The following STK33 variants were observed in gnomAD, a reference collection of about 807,000 sequenced individuals.
The protein encoded by STK33 is serine/threonine kinase 33, also known as serine/threonine-protein kinase 33.
In STK33, 52 loss-of-function variants were observed where a neutral mutation model predicts 58.0. The ratio of observed to expected loss-of-function variants is 0.90; its 90% CI spans 0.72 to 1.13. The LOEUF is 1.13. Among genes scored for constraint, STK33 ranks in the 50% most tolerant of loss-of-function variants. The probability of loss-of-function intolerance (pLI) is 0.00; values close to 1 mark genes in which losing one functional copy is unlikely to be tolerated. For synonymous variants in STK33, 215 were observed against 200.1 expected (o/e 1.07, Z -0.63); for missense variants, 630 against 604.2 (o/e 1.04, Z -0.45).
chr11:8,520,892 T>C (rs1452426805), intron 1 of STK33, among the ~76,000 whole-genome samples: 3 of 151,930 alleles, frequency 2.0e-5, no homozygotes, highest in Non-Finnish European at 2.9e-5. Flanking sequence ...ATAGGAAGAA[T>C]CAATATTGTG....
At chr11:8,571,785 A>G (rs1381240988) in intron 1 of STK33, among the ~76,000 whole-genome samples, 3 of 151,084 alleles carry the variant, frequency 2.0e-5, no homozygotes, top group African/African-American at 7.3e-5. Flanking sequence ...GTGACCCAAG[A>G]TCGCGCCACT....
In STK33 at chr11:8,584,295, G is replaced by A. The variant is rs115112241; in HGVS notation, c.-466+9788C>T. ...GCCGGGTCCTTCAATGATTCATAAT[G>A]TAGGGAGGATTCCAGAACAAAGTCC... On this transcript the variant is annotated intron_variant, in intron 1 of 15. Coordinates refer to ENST00000687296, the MANE Select transcript of STK33 (RefSeq NM_001352389.2). Among the ~76,000 whole-genome samples, 264 of 152,222 alleles carry A rather than the reference G, an allele frequency of 1.7e-3. 1 individual carries two copies. Among genetic ancestry groups the A allele is most frequent in the African/African-American group, 6.2e-3 (257 of 41,526 alleles).
At chr11:8,548,361 G>A (rs1956086417) in intron 1 of STK33, among the ~76,000 whole-genome samples, 2 of 152,078 alleles carry the variant, frequency 1.3e-5, no homozygotes, top group South Asian at 2.1e-4. Flanking sequence ...GTATTAAAGA[G>A]GCTGTCCTTT....
chr11:8,548,739 C>T (rs1261650452), intron 1 of STK33, among the ~76,000 whole-genome samples: 2 of 152,176 alleles, frequency 1.3e-5, no homozygotes, highest in African/African-American at 4.8e-5. Flanking sequence ...AATACATGAT[C>T]ATGGGACATC....
chr11:8,354,749 C>G, the STK33 span, among the ~76,000 whole-genome samples: 9 of 152,354 alleles, frequency 5.9e-5, no homozygotes, highest in South Asian at 1.9e-3. Context: ...GCAGCTGGGG[C>G]TGGGGAAGCA....
At chr11:8,345,975 C>T in the STK33 span, among the ~76,000 whole-genome samples, 5 of 152,160 alleles carry the variant, frequency 3.3e-5, no homozygotes, top group African/African-American at 4.8e-5. Flanking sequence ...GCTTTATGTG[C>T]GTCATCTCTA....
intron 1 of STK33, among the ~76,000 whole-genome samples, chr11:8,505,452 C>T (rs1951800645): frequency 6.6e-6 from 1 of 152,164 alleles, no homozygotes; most frequent in Non-Finnish European, 1.5e-5. Context: ...TGTGCTATTC[C>T]CTCCACGTGG....
chr11:8,490,062 T>C (rs10743074), intron 1 of STK33, among the ~76,000 whole-genome samples: 83,617 of 151,982 alleles, frequency 0.55, 23,378 homozygotes, highest in African/African-American at 0.65. Context: ...CTCATTGGGA[T>C]GGGTTGGACA....
At chr11:8,374,042 A>T in the STK33 span, among the ~76,000 whole-genome samples, 1 of 152,198 alleles carries the variant, frequency 6.6e-6, no homozygotes, top group East Asian at 1.9e-4. Flanking sequence ...TATTAACACA[A>T]TGCTTATGTG....
chr11:8,388,350 G>A (rs898618233), downstream of STK33, among the ~76,000 whole-genome samples: 10 of 152,232 alleles, frequency 6.6e-5, no homozygotes, highest in Admixed American at 1.3e-4. Flanking sequence ...ACTGAAGAAG[G>A]CAGCCACAAG....
At chr11:8,560,872 C>T (rs981916185) in intron 1 of STK33, among the ~76,000 whole-genome samples, 9 of 152,114 alleles carry the variant, frequency 5.9e-5, no homozygotes, top group Admixed American at 5.9e-4. Flanking sequence ...TGCATAGCTG[C>T]TATGTGGCAG....
At chr11:8,459,030 A>G (rs537416459) in intron 8 of STK33, among the ~76,000 whole-genome samples, 1 of 152,326 alleles carries the variant, frequency 6.6e-6, no homozygotes, top group East Asian at 1.9e-4. Context: ...TATTTTTTCC[A>G]TTGACAGGAC....
At position 8,449,564 on chromosome 11, in the gene STK33, T is replaced by C. The variant is rs1161783158; in HGVS notation, c.871+3258A>G. Among the ~76,000 whole-genome samples the C allele has an allele frequency of 1.6e-4, 23 of 142,172 alleles. 1 individual carries two copies. The highest frequency in any genetic ancestry group is 6.0e-4 in the African/African-American group (22 of 36,794). The allele number at this position is 142,172 out of a possible 152,430, so 93.3% of individuals were successfully genotyped here. Reference sequence around the variant, plus strand: ...ACCAAACACCGCATGTTCTCACTCATAGGTGGGAATTGAACGATGAGAACA... The same window carrying C: ...ACCAAACACCGCATGTTCTCACTCACAGGTGGGAATTGAACGATGAGAACA... On this transcript the variant is annotated intron_variant, in intron 11 of 15. Coordinates refer to ENST00000687296, the MANE Select transcript of STK33 (RefSeq NM_001352389.2).
intron 1 of STK33, among the ~76,000 whole-genome samples, chr11:8,499,937 G>A (rs186408784): frequency 1.3e-5 from 2 of 152,200 alleles, no homozygotes; most frequent in East Asian, 3.9e-4. Flanking sequence ...GGGGGCTAGG[G>A]GAGGGATAGC....
chr11:8,569,024 C>T lies in STK33; in HGVS notation c.-466+25059G>A, dbSNP rs373521140. Among the ~76,000 whole-genome samples, 321 of 152,108 alleles carry T rather than the reference C, an allele frequency of 2.1e-3. 2 individuals are homozygous for T. Among genetic ancestry groups the T allele is most frequent in the African/African-American group, 7.4e-3 (306 of 41,498 alleles). ...TCAAATAGAATAAAGCCCAGTGCTC[C>T]CAAGGAATATTATCTGGAGAAGGTC... On this transcript the variant is annotated intron_variant, in intron 1 of 15. Transcript: ENST00000687296.
chr11:8,398,858 A>G (rs1347279091), intron 15 of STK33, among the ~76,000 whole-genome samples: 2 of 152,188 alleles, frequency 1.3e-5, no homozygotes, highest in African/African-American at 2.4e-5. Flanking sequence ...CAAAGATCAA[A>G]AGAGACAAAG....
intron 15 of STK33, among the ~76,000 whole-genome samples, 191 bp downstream of exon 15, chr11:8,413,304 C>T (rs980891930): frequency 3.3e-5 from 5 of 152,220 alleles, no homozygotes; most frequent in Non-Finnish European, 4.4e-5. Flanking sequence ...TAATCACCAA[C>T]CTTAAAATAA....
intron 1 of STK33, among the ~76,000 whole-genome samples, chr11:8,497,516 C>T (rs1951156209): frequency 6.6e-6 from 1 of 152,180 alleles, no homozygotes; most frequent in Non-Finnish European, 1.5e-5. Context: ...GTCACCCAGG[C>T]TGGAGTGTAG....
At chr11:8,509,883 C>T (rs1379262637) in intron 1 of STK33, among the ~76,000 whole-genome samples, 1 of 152,118 alleles carries the variant, frequency 6.6e-6, no homozygotes, top group African/African-American at 2.4e-5. Flanking sequence ...TGTGTACATA[C>T]ATTTTCTTTA....
Sources: allele counts gnomAD v4.1 joint callset (sites outside exome capture counted in the v4.1 genomes callset), GRCh38; gene constraint gnomAD v4.1.1; transcripts MANE v1.5; gene names NCBI Gene and HGNC (gene_info 2026-07-23, HGNC 2026-07-21).